The following ELOVL5 variants were observed in gnomAD, a reference collection of about 807,000 sequenced individuals.
ELOVL5 encodes the protein ELOVL fatty acid elongase 5, also known as very long chain fatty acid elongase 5.
Under a neutral mutation model 38.6 loss-of-function variants are expected in ELOVL5, and 8 were observed. The ratio of observed to expected loss-of-function variants is 0.21; its 90% CI spans 0.12 to 0.37. The LOEUF is 0.37. ELOVL5 is among the 10% of genes least tolerant of loss of function. ELOVL5 has a pLI of 1.00. For synonymous variants in ELOVL5, 127 were observed against 133.7 expected (o/e 0.95, Z 0.34); for missense variants, 280 against 367.8 (o/e 0.76, Z 1.95).
At chr6:53,293,397 A>G (rs139584911) in intron 2 of ELOVL5, among the ~76,000 whole-genome samples, 6,261 of 152,232 alleles carry the variant, frequency 0.041, 185 homozygotes, top group Non-Finnish European at 0.062. Flanking sequence ...AGCTCACTGC[A>G]ACCTCTGCCT....
intron 1 of ELOVL5, among the ~76,000 whole-genome samples, chr6:53,302,400 G>A (rs1767292375): frequency 6.6e-6 from 1 of 152,192 alleles, no homozygotes; most frequent in Admixed American, 6.5e-5. Flanking sequence ...GGCTCCCAAG[G>A]ACAACAGAAC....
At chr6:53,340,860 C>T (rs891520987) in intron 1 of ELOVL5, among the ~76,000 whole-genome samples, 1 of 152,200 alleles carries the variant, frequency 6.6e-6, no homozygotes, top group African/African-American at 2.4e-5. Flanking sequence ...CATTTTCACC[C>T]AAGGGAGATC....
At chr6:53,270,497 C>A (rs766517550) in intron 7 of ELOVL5, 96 bp downstream of exon 7, 49 of 1,397,592 alleles carry the variant, frequency 3.5e-5, no homozygotes, top group Non-Finnish European at 3.3e-5. Flanking sequence ...GAGCCTGTCA[C>A]CCAGCAAGGG....
intron 1 of ELOVL5, among the ~76,000 whole-genome samples, chr6:53,326,612 C>G (rs1325042878): frequency 1.3e-5 from 2 of 152,184 alleles, no homozygotes; most frequent in African/African-American, 4.8e-5. Flanking sequence ...ATTCCTCCCG[C>G]AGAGCCCCAG....
At chr6:53,291,492 G>C (rs1766772923) in intron 3 of ELOVL5, among the ~76,000 whole-genome samples, 1 of 152,130 alleles carries the variant, frequency 6.6e-6, no homozygotes, top group Non-Finnish European at 1.5e-5. Context: ...GCTTGCATGA[G>C]AGTATTTCTG....
intron 1 of ELOVL5, among the ~76,000 whole-genome samples, chr6:53,318,451 T>C (rs1768146436): frequency 6.6e-6 from 1 of 152,244 alleles, no homozygotes; most frequent in Admixed American, 6.5e-5. Context: ...TATTAGCATA[T>C]ATAAATTTAC....
At position 53,268,315 on chromosome 6, in the gene ELOVL5, C is replaced by T. The variant is rs542385881; in HGVS notation, c.*812G>A. 1.3e-5 allele frequency: 2 copies of T among 152,272 alleles called. No individual in the cohort carries two copies. The highest frequency in any genetic ancestry group is 4.1e-4 in the South Asian group (2 of 4,824). The allele number at this position is 152,272 out of a possible 1,614,324, so 9.4% of individuals were successfully genotyped here. A position where few individuals can be genotyped will look rare whatever the true frequency, so the allele number is the denominator to read the frequency against. ...TGACTTTTTGTTTGCTGTATAAAAA[C>T]ACTTAGCACTTCAGAAATTAAAAAT... On this transcript the variant is annotated 3_prime_UTR_variant, in exon 8 of 8. Coordinates refer to ENST00000304434, the MANE Select transcript of ELOVL5 (RefSeq NM_021814.5).
chr6:53,295,707 C>A lies in ELOVL5; in HGVS notation c.-8G>T. On this transcript the variant is annotated splice_region_variant and 5_prime_UTR_variant, in exon 2 of 8. Transcript: ENST00000304434. ...TGCATCAAAATGTTCCATTTGAAAA[C>A]CTATTAAGAAAAAAAAAGATACTGA... 2 of 1,566,238 alleles carry A rather than the reference C, an allele frequency of 1.3e-6. No homozygotes were observed. The highest frequency in any genetic ancestry group is 2.0e-5 in the Admixed American group (1 of 49,930).
chr6:53,308,822 A>G (rs985491244), intron 1 of ELOVL5, among the ~76,000 whole-genome samples: 6 of 139,648 alleles, frequency 4.3e-5, no homozygotes, highest in Non-Finnish European at 9.0e-5. Flanking sequence ...TTTTATTCCA[A>G]CAAATTCTGC....
chr6:53,305,064 C>G (rs571615286), intron 1 of ELOVL5, among the ~76,000 whole-genome samples: 72 of 150,468 alleles, frequency 4.8e-4, no homozygotes, highest in Middle Eastern at 3.5e-3. Flanking sequence ...GCTGACCCCC[C>G]CCACCTCCCT....
At chr6:53,323,847 T>A (rs1484458481) in intron 1 of ELOVL5, among the ~76,000 whole-genome samples, 1 of 152,208 alleles carries the variant, frequency 6.6e-6, no homozygotes, top group African/African-American at 2.4e-5. Flanking sequence ...GCCCGACCAT[T>A]ACGGGCATGG....
intron 1 of ELOVL5, among the ~76,000 whole-genome samples, chr6:53,336,666 A>G (rs555067943): frequency 8.4e-4 from 128 of 152,206 alleles, no homozygotes; most frequent in Non-Finnish European, 1.5e-3. Context: ...GCCAGTTTCC[A>G]TGATCATTTT....
rs1765813251 is a variant in ELOVL5 at position 53,268,444 on chromosome 6, G to A, written c.*683C>T. 1 of 152,048 alleles carries A rather than the reference G, an allele frequency of 6.6e-6. No homozygotes were observed. Among genetic ancestry groups the A allele is most frequent in the African/African-American group, 2.4e-5 (1 of 41,334 alleles). 9.4% of individuals were successfully genotyped at this position (152,048 alleles called of 1,614,324 possible). On this transcript the variant is annotated 3_prime_UTR_variant, in exon 8 of 8. Transcript: ENST00000304434. ...GCCCCCCCCTTTTTACATTAATAGT[G>A]GCACTCAAAATAAAAAAATAAGATC...
chr6:53,341,619 G>A (rs1328625123), intron 1 of ELOVL5, among the ~76,000 whole-genome samples: 4 of 152,176 alleles, frequency 2.6e-5, no homozygotes, highest in African/African-American at 9.6e-5. Flanking sequence ...TGCCTATTAT[G>A]TGGTACCAAG....
intron 1 of ELOVL5, among the ~76,000 whole-genome samples, chr6:53,314,531 G>A (rs1005859210): frequency 6.6e-6 from 1 of 152,106 alleles, no homozygotes. Flanking sequence ...ATATATAATC[G>A]TTTAACAATA....
At chr6:53,348,719 C>T (rs992643177) in intron 1 of ELOVL5, 98 bp downstream of exon 1, 1 of 433,544 alleles carries the variant, frequency 2.3e-6, no homozygotes, top group Non-Finnish European at 4.6e-6. Flanking sequence ...CGAGACCTAA[C>T]GGCAGTTCTC....
chr6:53,288,970 G>GCGGGAGATCAGTTGAGC lies in ELOVL5; in HGVS notation c.246+2789_246+2805dup, dbSNP rs1352836977. Among the ~76,000 whole-genome samples the GCGGGAGATCAGTTGAGC allele has an allele frequency of 8.5e-5, 13 of 152,280 alleles. No individual in the cohort carries two copies. In the South Asian group the frequency reaches 2.7e-3, roughly 32 times the overall value. On this transcript the variant is annotated intron_variant, in intron 3 of 7. Transcript: ENST00000304434. Reference sequence around the variant, plus strand: ...AGTCCCAGCCACTTGGGAGGTTGAGGCGGGAGATCAGTTGAGCCCAGGAGG... The same window carrying GCGGGAGATCAGTTGAGC: ...AGTCCCAGCCACTTGGGAGGTTGAGGCGGGAGATCAGTTGAGCCGGGAGATCAGTTGAGCCCAGGAGG...
intron 1 of ELOVL5, among the ~76,000 whole-genome samples, chr6:53,308,841 C>A: frequency 7.2e-6 from 1 of 138,260 alleles, no homozygotes; most frequent in Non-Finnish European, 1.5e-5. Flanking sequence ...GCAGCAATTC[C>A]CTGTTTCCTC....
At chr6:53,317,698 G>A (rs1432164959) in intron 1 of ELOVL5, among the ~76,000 whole-genome samples, 1 of 151,936 alleles carries the variant, frequency 6.6e-6, no homozygotes, top group East Asian at 1.9e-4. Context: ...GATGCTAGAT[G>A]ATGGGTTAAT....
Sources: allele counts gnomAD v4.1 joint callset (sites outside exome capture counted in the v4.1 genomes callset), GRCh38; gene constraint gnomAD v4.1.1; transcripts MANE v1.5; gene names NCBI Gene and HGNC (gene_info 2026-07-23, HGNC 2026-07-21).